The following TMPRSS11E variants were observed in gnomAD, a reference collection of about 807,000 sequenced individuals.
The protein encoded by TMPRSS11E is transmembrane protease serine 11E.
Under a neutral mutation model 48.1 loss-of-function variants are expected in TMPRSS11E, and 38 were observed. The observed-to-expected ratio is 0.79, with a 90% CI of 0.61 to 1.04. TMPRSS11E has a LOEUF of 1.04. Among genes scored for constraint, TMPRSS11E ranks in the 50% least tolerant of loss-of-function variants. TMPRSS11E has a pLI of 0.00. For missense variants in TMPRSS11E, 530 were observed against 510.8 expected (o/e 1.04, Z -0.36); for synonymous variants, 158 against 171.9 (o/e 0.92, Z 0.63).
intron 9 of TMPRSS11E, among the ~76,000 whole-genome samples, chr4:68,493,511 G>C (rs1729786637): frequency 6.6e-6 from 1 of 152,098 alleles, no homozygotes; most frequent in Admixed American, 6.5e-5. Context: ...TTGTTACCCA[G>C]GCTGGAGTGC....
chr4:68,455,352 C>T (rs925393818), intron 1 of TMPRSS11E, among the ~76,000 whole-genome samples: 4 of 151,788 alleles, frequency 2.6e-5, no homozygotes, highest in East Asian at 1.9e-4. Flanking sequence ...TTTAAATTTC[C>T]GCTGATTTTT....
At chr4:68,459,768 A>G (rs1007810402) in intron 1 of TMPRSS11E, among the ~76,000 whole-genome samples, 34 of 152,060 alleles carry the variant, frequency 2.2e-4, no homozygotes, top group African/African-American at 8.0e-4. Context: ...GCACACATTC[A>G]TTTTCTTCAT....
intron 2 of TMPRSS11E, among the ~76,000 whole-genome samples, chr4:68,463,828 A>T (rs1728857582): frequency 6.6e-6 from 1 of 152,176 alleles, no homozygotes; most frequent in Non-Finnish European, 1.5e-5. Context: ...CAAATGAATC[A>T]TGCCTACAAT....
At chr4:68,457,822 T>A (rs1391656211) in intron 1 of TMPRSS11E, among the ~76,000 whole-genome samples, 2 of 151,722 alleles carry the variant, frequency 1.3e-5, no homozygotes, top group Non-Finnish European at 2.9e-5. Context: ...CTCAGCAAAC[T>A]AACACAGGAA....
chr4:68,493,218 C>T (rs1170120191), intron 9 of TMPRSS11E, among the ~76,000 whole-genome samples: 2 of 152,064 alleles, frequency 1.3e-5, no homozygotes, highest in Admixed American at 1.3e-4. Context: ...CATGGCCAAC[C>T]TTACGTTATC....
Position 68,478,840 on chromosome 4 carries a change from T to G in TMPRSS11E, c.968-9T>G. 6.2e-7 allele frequency: 1 copy of G among 1,610,514 alleles called. No homozygotes were observed. On this transcript the variant is annotated splice_polypyrimidine_tract_variant and intron_variant, in intron 8 of 9. Coordinates refer to ENST00000305363, the MANE Select transcript of TMPRSS11E (RefSeq NM_014058.4). ...TGTCTACAAATACAAAGACTTTTTT[T>G]TCTTTTAGGTTACAGTCAAAATCAT...
At chr4:68,482,626 G>A (rs1404256457) in intron 9 of TMPRSS11E, among the ~76,000 whole-genome samples, 3 of 116,178 alleles carry the variant, frequency 2.6e-5, no homozygotes, top group Non-Finnish European at 3.7e-5. Flanking sequence ...AAAAAAATTA[G>A]CTGGGCTTTG....
intron 1 of TMPRSS11E, among the ~76,000 whole-genome samples, chr4:68,461,524 A>G (rs1728789401): frequency 6.6e-6 from 1 of 152,194 alleles, no homozygotes; most frequent in African/African-American, 2.4e-5. Flanking sequence ...TGTTACAGGC[A>G]CTTTATATGT....
At chr4:68,471,328 C>T in intron 4 of TMPRSS11E, 132 bp from the exon 5 acceptor site, 1 of 562,010 alleles carries the variant, frequency 1.8e-6, no homozygotes, top group Non-Finnish European at 2.9e-6. Flanking sequence ...CTCCTTCCTT[C>T]CTTTTCTCTT....
intron 9 of TMPRSS11E, among the ~76,000 whole-genome samples, chr4:68,489,832 T>C (rs1326416677): frequency 6.6e-6 from 1 of 152,220 alleles, no homozygotes; most frequent in African/African-American, 2.4e-5. Flanking sequence ...GAGAGCCCTG[T>C]GATGTCCAGG....
chr4:68,494,131 CAAAG>C (rs1729806794), intron 9 of TMPRSS11E, among the ~76,000 whole-genome samples: 1 of 145,422 alleles, frequency 6.9e-6, no homozygotes, highest in South Asian at 2.2e-4. Flanking sequence ...TATTCTCACT[CAAAG>C]AAGCCATCTT....
Position 68,496,959 on chromosome 4 carries a change from C to G in TMPRSS11E, c.*155C>G. 1.3e-6 allele frequency: 1 copy of G among 760,038 alleles called. No homozygotes were observed. Among genetic ancestry groups the G allele is most frequent in the Admixed American group, 2.7e-5 (1 of 36,746 alleles). The allele number at this position is 760,038 out of a possible 1,614,324, so 47.1% of individuals were successfully genotyped here. A position where few individuals can be genotyped will look rare whatever the true frequency, so the allele number is the denominator to read the frequency against. On this transcript the variant is annotated 3_prime_UTR_variant, in exon 10 of 10. Transcript: ENST00000305363. The stretch of plus-strand genomic sequence containing the variant: ...CTTGATGCATGTATTTTCTTCCCAG[C>G]TCTGTTCCGCACATAAGCATCCTGC...
At chr4:68,448,176 A>C (rs1430506498) in intron 1 of TMPRSS11E, among the ~76,000 whole-genome samples, 1 of 151,958 alleles carries the variant, frequency 6.6e-6, no homozygotes, top group Non-Finnish European at 1.5e-5. Flanking sequence ...TTTGAAAATA[A>C]TTTTATCTCC....
At chr4:68,458,427 A>G (rs910403204) in intron 1 of TMPRSS11E, among the ~76,000 whole-genome samples, 2 of 152,204 alleles carry the variant, frequency 1.3e-5, no homozygotes, top group African/African-American at 4.8e-5. Flanking sequence ...TGAAAAGAAA[A>G]TCATATAAAG....
At chr4:68,493,429 A>G (rs1729783688) in intron 9 of TMPRSS11E, among the ~76,000 whole-genome samples, 1 of 152,086 alleles carries the variant, frequency 6.6e-6, no homozygotes, top group African/African-American at 2.4e-5. Context: ...CTATGATTAC[A>G]ATATTCTACT....
At position 68,496,934 on chromosome 4, in the gene TMPRSS11E, C is replaced by T; in HGVS notation, c.*130C>T. The T allele has an allele frequency of 2.2e-6, 2 of 921,990 alleles. No individual in the cohort carries two copies. Among genetic ancestry groups the T allele is most frequent in the Non-Finnish European group, 3.3e-6 (2 of 598,632 alleles). 57.1% of individuals were successfully genotyped at this position (921,990 alleles called of 1,614,324 possible). A position where few individuals can be genotyped will look rare whatever the true frequency, so the allele number is the denominator to read the frequency against. ...TTGACTGATCTCAATAAACTGTTTG[C>T]TTGATGCATGTATTTTCTTCCCAGC... On this transcript the variant is annotated 3_prime_UTR_variant, in exon 10 of 10. Transcript: ENST00000305363.
intron 9 of TMPRSS11E, among the ~76,000 whole-genome samples, chr4:68,483,963 T>C (rs566460158): frequency 1.3e-5 from 2 of 152,322 alleles, no homozygotes; most frequent in African/African-American, 4.8e-5. Context: ...GCTTTACTTC[T>C]GGCTTCTCTA....
At chr4:68,468,157 A>G (rs1728973786) in intron 3 of TMPRSS11E, among the ~76,000 whole-genome samples, 1 of 152,160 alleles carries the variant, frequency 6.6e-6, no homozygotes, top group Admixed American at 6.6e-5. Context: ...TAAAAGGCTC[A>G]TTGCTTCTGT....
At chr4:68,454,616 A>T (rs1015430131) in intron 1 of TMPRSS11E, among the ~76,000 whole-genome samples, 2 of 151,964 alleles carry the variant, frequency 1.3e-5, no homozygotes, top group Non-Finnish European at 2.9e-5. Context: ...GAGAGGGTCT[A>T]TACATTTTTC....
Sources: gnomAD v4.1 joint callset for allele counts (sites outside exome capture counted in the v4.1 genomes callset) on GRCh38, gnomAD v4.1.1 for gene constraint, MANE v1.5 for transcripts, NCBI Gene and HGNC (gene_info 2026-07-23, HGNC 2026-07-21) for gene names.